Variants in VIRMA observed in about 807,000 individuals in gnomAD.
VIRMA encodes protein virilizer homolog.
VIRMA carries 65 observed loss-of-function variants against 182.4 expected under a neutral mutation model. The observed-to-expected ratio is 0.36, with a 90% CI of 0.29 to 0.44. The LOEUF is 0.44. VIRMA is among the 20% of genes least tolerant of loss of function. VIRMA has a pLI of 1.00. For missense variants in VIRMA, 1,752 were observed against 2,158.1 expected (o/e 0.81, Z 3.73); for synonymous variants, 709 against 743.1 (o/e 0.95, Z 0.75).
rs753865506 is a variant in VIRMA at position 94,491,837 on chromosome 8, T to A, written c.4881A>T (p.Gly1627=). The change falls in exon 22 of 24, where the codon GGA becomes GGT. Residue 1627 remains glycine (G), a synonymous_variant. Transcript: ENST00000297591. ...VVPPPRGRGR[G]GFGQGIRPHD... Reference sequence around the variant, plus strand: ...GAGGTCGTATACCCTGTCCAAATCCTCCCCTGCCCCTTCCTCTTGGTGGTG... The same window carrying A: ...GAGGTCGTATACCCTGTCCAAATCCACCCCTGCCCCTTCCTCTTGGTGGTG... 6.2e-7 allele frequency: 1 copy of A among 1,613,388 alleles called. No individual in the cohort carries two copies. The highest frequency in any genetic ancestry group is 2.2e-5 in the East Asian group (1 of 44,892).
At chr8:94,498,734 G>C (rs973951010) in intron 17 of VIRMA, 3 of 152,356 alleles carry the variant, frequency 2.0e-5, no homozygotes, top group African/African-American at 7.2e-5. Flanking sequence ...CTCCCAAAGT[G>C]ATGGGATTAG....
intron 2 of VIRMA, among the ~76,000 whole-genome samples, chr8:94,539,018 C>A (rs1277306621): frequency 6.6e-6 from 1 of 152,020 alleles, no homozygotes; most frequent in Non-Finnish European, 1.5e-5. Flanking sequence ...CCTCCTGCTA[C>A]AGCCTCCCAA....
Position 94,527,047 on chromosome 8 carries a change from T to C in VIRMA, c.1197A>G (p.Lys399=). ...LDLYREDRGA[K]WVTALEEIPS... The stretch of plus-strand genomic sequence containing the variant: ...GAATTTCTTCTAAAGCTGTTACCCA[T>C]TTTGCACCTCTATCTTCTCTATACA... Residue 399 remains lysine, a synonymous_variant, in exon 8 of 24, where the codon AAA becomes AAG. Coordinates refer to ENST00000297591, the MANE Select transcript of VIRMA (RefSeq NM_015496.5). The C allele has an allele frequency of 6.2e-7, 1 of 1,614,152 alleles. No individual in the cohort carries two copies. The highest frequency in any genetic ancestry group is 8.5e-7 in the Non-Finnish European group (1 of 1,179,978).
Position 94,487,711 on chromosome 8 carries a change from T to G in VIRMA, c.*995A>C, listed in dbSNP as rs1016925414. The G allele has an allele frequency of 2.0e-5, 3 of 152,210 alleles. No homozygotes were observed. The highest frequency in any genetic ancestry group is 2.9e-5 in the Non-Finnish European group (2 of 68,022). 9.4% of individuals were successfully genotyped at this position (152,210 alleles called of 1,614,324 possible). A position where few individuals can be genotyped will look rare whatever the true frequency, so the allele number is the denominator to read the frequency against. ...TCCTTTTCTGATTAAGATAACTCTG[T>G]ATTTTACGCCACTTATATAGACTCA... On this transcript the variant is annotated 3_prime_UTR_variant, in exon 24 of 24. Coordinates refer to ENST00000297591, the MANE Select transcript of VIRMA (RefSeq NM_015496.5).
chr8:94,518,269 T>C (rs1586086760), intron 9 of VIRMA, among the ~76,000 whole-genome samples: 1 of 152,238 alleles, frequency 6.6e-6, no homozygotes. Context: ...ATTAGTCTCC[T>C]TCAAAATATT....
Position 94,526,271 on chromosome 8 carries a change from C to T in VIRMA, c.1973G>A (p.Arg658Gln), listed in dbSNP as rs761188036. 6.2e-6 allele frequency: 10 copies of T among 1,613,730 alleles called. No individual in the cohort carries two copies. Among genetic ancestry groups the T allele is most frequent in the African/African-American group, 1.3e-5 (1 of 75,026 alleles). The change falls in exon 8 of 24, where the codon CGA (arginine) becomes CAA (glutamine). Residue 658 changes from arginine (R) to glutamine (Q), a missense_variant. By Grantham distance (43) the Arg-to-Gln change is conservative. Around this residue, in one of 11 missense-constraint regions of VIRMA, gnomAD observed 401 missense variants for 455.1 expected, o/e 0.88. Transcript: ENST00000297591. ...ATCCCTCTCTGGAGGTCCAGTAATTCGTGCCATCGTTGGGAAAGACTTAAC... is the reference window on the plus strand; with the variant it reads ...ATCCCTCTCTGGAGGTCCAGTAATTTGTGCCATCGTTGGGAAAGACTTAAC... ...QPVKSFPTMARITGPPERDDP... is the reference protein window; with the variant it reads ...QPVKSFPTMAQITGPPERDDP...
rs142406681 is a variant in VIRMA, at chr8:94,490,804, G to A, written c.5141-722C>T. Reference sequence around the variant, plus strand: ...AGAGGCTGCAGTGAGCCGAGATTGCGCCATTGCACTCCAGCCTGGGCAAGA... The same window carrying A: ...AGAGGCTGCAGTGAGCCGAGATTGCACCATTGCACTCCAGCCTGGGCAAGA... On this transcript the variant is annotated intron_variant, in intron 22 of 23. Coordinates refer to ENST00000297591, the MANE Select transcript of VIRMA (RefSeq NM_015496.5). Among the ~76,000 whole-genome samples the A allele has an allele frequency of 4.1e-3, 627 of 151,870 alleles. 4 individuals carry two copies. The highest frequency in any genetic ancestry group is 0.014 in the African/African-American group (571 of 41,408).
At chr8:94,521,969 A>AT (rs1814786418) in intron 8 of VIRMA, among the ~76,000 whole-genome samples, 1 of 152,282 alleles carries the variant, frequency 6.6e-6, no homozygotes, top group South Asian at 2.1e-4. Context: ...GGGAACTTAG[A>AT]TTTCAAGAGG....
intron 1 of VIRMA, among the ~76,000 whole-genome samples, chr8:94,549,388 C>A (rs1815892240): frequency 6.6e-6 from 1 of 152,160 alleles, no homozygotes; most frequent in Admixed American, 6.5e-5. Flanking sequence ...TAAAGCCATA[C>A]CCTCACCTTC....
intron 13 of VIRMA, chr8:94,510,860 G>T: frequency 1.2e-6 from 1 of 816,790 alleles, no homozygotes; most frequent in Non-Finnish European, 1.8e-6. Flanking sequence ...GTTGAGCAGA[G>T]TCCATTGGTG....
At chr8:94,500,655 CTTTT>C (rs11312961) in intron 16 of VIRMA, among the ~76,000 whole-genome samples, 1 of 126,686 alleles carries the variant, frequency 7.9e-6, no homozygotes, top group Non-Finnish European at 1.7e-5. Context: ...TCGGTAGTTT[CTTTT>C]TTTTTTTTTT....
chr8:94,553,419 A>G lies in VIRMA; in HGVS notation c.29T>C (p.Leu10Ser). The change falls in exon 1 of 24, where the codon TTA (leucine) becomes TCA (serine). Residue 10 changes from leucine to serine, a missense_variant. By Grantham distance (145) the Leu-to-Ser change is moderately radical. Coordinates refer to ENST00000297591, the MANE Select transcript of VIRMA (RefSeq NM_015496.5). Reference protein sequence around the residue: MAVDSAMELLFLDTFKHPSA... With the variant: MAVDSAMELSFLDTFKHPSA... ...CGGGTGTTTAAAAGTATCTAAAAAT[A>G]ACAGCTCCATCGCCGAGTCCACCGC... 2 of 1,614,240 alleles carry G rather than the reference A, an allele frequency of 1.2e-6. No individual in the cohort carries two copies. Among genetic ancestry groups the G allele is most frequent in the Non-Finnish European group, 1.7e-6 (2 of 1,180,038 alleles).
intron 8 of VIRMA, 109 bp from the exon 9 acceptor site, chr8:94,519,585 C>T: frequency 1.8e-6 from 2 of 1,141,134 alleles, no homozygotes; most frequent in Non-Finnish European, 2.5e-6. Context: ...AATCCTTATC[C>T]TCAGTAATAT....
Position 94,534,888 on chromosome 8 carries a change from C to CGGGGGA in VIRMA, c.434_435insTCCCCC (p.Pro148_Pro149dup). ...TTGGTTGTGGCTGGGGAGGTGGTGGCGGTGGAGGTGGTGGTGGTGGAGAGT... is the reference window on the plus strand; with the variant it reads ...TTGGTTGTGGCTGGGGAGGTGGTGGCGGGGGAGGTGGAGGTGGTGGTGGTGGAGAGT... On this transcript the variant is annotated inframe_insertion, in exon 5 of 24. Transcript: ENST00000297591. 7.1e-7 allele frequency: 1 copy of CGGGGGA among 1,402,214 alleles called. No homozygotes were observed. Among genetic ancestry groups the CGGGGGA allele is most frequent in the East Asian group, 2.7e-5 (1 of 36,738 alleles). 86.9% of individuals were successfully genotyped at this position (1,402,214 alleles called of 1,614,324 possible). A position where few individuals can be genotyped will look rare whatever the true frequency, so the allele number is the denominator to read the frequency against.
intron 22 of VIRMA, among the ~76,000 whole-genome samples, chr8:94,490,795 C>T (rs1056952712): frequency 2.6e-5 from 4 of 151,650 alleles, no homozygotes; most frequent in Non-Finnish European, 4.4e-5. Flanking sequence ...TGCAGTGAGC[C>T]GAGATTGCGC....
intron 16 of VIRMA, among the ~76,000 whole-genome samples, chr8:94,503,459 C>G (rs1394836946): frequency 1.3e-5 from 2 of 152,010 alleles, no homozygotes; most frequent in Non-Finnish European, 2.9e-5. Flanking sequence ...AAATATCAGA[C>G]AAACTCAAAT....
chr8:94,524,661 A>G (rs1392648877), intron 8 of VIRMA, among the ~76,000 whole-genome samples: 1 of 152,130 alleles, frequency 6.6e-6, no homozygotes, highest in African/African-American at 2.4e-5. Context: ...GGCTGGTCTC[A>G]AACTCCTGAC....
chr8:94,548,949 G>A (rs763667166), intron 1 of VIRMA, among the ~76,000 whole-genome samples: 17 of 142,530 alleles, frequency 1.2e-4, no homozygotes, highest in Non-Finnish European at 2.4e-4. Flanking sequence ...GAGCCACCGC[G>A]TTTGCTATGT....
intron 8 of VIRMA, among the ~76,000 whole-genome samples, chr8:94,524,100 A>G (rs1036889992): frequency 6.6e-6 from 1 of 152,040 alleles, no homozygotes; most frequent in South Asian, 2.1e-4. Context: ...CCCGGGTTCA[A>G]GCAATTCTCC....
Sources: gnomAD v4.1 joint callset for allele counts (sites outside exome capture counted in the v4.1 genomes callset) on GRCh38, gnomAD v4.1.1 for gene constraint, gnomAD v4.1.1 regional missense constraint, MANE v1.5 for transcripts, NCBI Gene and HGNC (gene_info 2026-07-23, HGNC 2026-07-21) for gene names.